Variants in NEK1 observed in about 807,000 individuals in gnomAD.
NEK1 encodes NIMA related kinase 1, also known as serine/threonine-protein kinase Nek1.
Under a neutral mutation model 182.1 loss-of-function variants are expected in NEK1, and 137 were observed. That is an observed-to-expected ratio of 0.75 (90% CI 0.65 to 0.87). The LOEUF (loss-of-function observed/expected upper bound fraction) is 0.87, where lower values mean the gene tolerates loss of function less well. Among genes scored for constraint, NEK1 ranks in the 40% least tolerant of loss-of-function variants. NEK1 has a pLI of 0.00. For missense variants in NEK1, 1,391 were observed against 1,494.4 expected, an observed-to-expected ratio of 0.93 and a Z score of 1.14; for synonymous variants, 513 against 492.2, an observed-to-expected ratio of 1.04 and a Z score of -0.56.
At chr4:169,571,323 C>T (rs1764817247) in intron 12 of NEK1, among the ~76,000 whole-genome samples, 1 of 152,082 alleles carries the variant, frequency 6.6e-6, no homozygotes, top group South Asian at 2.1e-4. Flanking sequence ...AACTATTTGC[C>T]AGGAACTAGT....
chr4:169,600,205 AT>A (rs141114486), intron 4 of NEK1, among the ~76,000 whole-genome samples: 7 of 149,766 alleles, frequency 4.7e-5, no homozygotes, highest in East Asian at 2.0e-4. Context: ...TTCCAGCAGT[AT>A]TTTTTTTTTC....
intron 16 of NEK1, among the ~76,000 whole-genome samples, chr4:169,557,860 G>A (rs140716088): frequency 5.6e-4 from 85 of 152,268 alleles, no homozygotes; most frequent in African/African-American, 2.0e-3. Flanking sequence ...GAACTCAGGA[G>A]GTCAAGGCTA....
intron 26 of NEK1, among the ~76,000 whole-genome samples, chr4:169,469,848 C>T (rs1231336042): frequency 6.6e-6 from 1 of 151,758 alleles, no homozygotes; most frequent in Non-Finnish European, 1.5e-5. Flanking sequence ...CTTCTCGTTG[C>T]ATTGATCCCT....
At chr4:169,454,129 A>G (rs1008896195) in intron 27 of NEK1, among the ~76,000 whole-genome samples, 1 of 152,260 alleles carries the variant, frequency 6.6e-6, no homozygotes, top group African/African-American at 2.4e-5. Flanking sequence ...CTAGCCATAT[A>G]TAGAAAGCTA....
At chr4:169,494,455 C>T (rs1409182446) in intron 23 of NEK1, among the ~76,000 whole-genome samples, 1 of 152,156 alleles carries the variant, frequency 6.6e-6, no homozygotes, top group African/African-American at 2.4e-5. Context: ...GCATAGTATT[C>T]CATGGTGTAT....
intron 27 of NEK1, among the ~76,000 whole-genome samples, chr4:169,438,704 T>TA (rs1738874891): frequency 1.3e-5 from 2 of 152,220 alleles, no homozygotes; most frequent in African/African-American, 4.8e-5. Context: ...TGCAGTTATT[T>TA]ACCACCTTCT....
At chr4:169,401,011 G>A (rs1015815191) in intron 33 of NEK1, among the ~76,000 whole-genome samples, 1 of 151,756 alleles carries the variant, frequency 6.6e-6, no homozygotes, top group Non-Finnish European at 1.5e-5. Context: ...TAATAAACAC[G>A]GGAAACACCA....
At chr4:169,447,547 C>T (rs1271753358) in intron 27 of NEK1, among the ~76,000 whole-genome samples, 1 of 152,170 alleles carries the variant, frequency 6.6e-6, no homozygotes, top group Non-Finnish European at 1.5e-5. Flanking sequence ...GTGTAAGCTA[C>T]TCATATCTTG....
intron 28 of NEK1, among the ~76,000 whole-genome samples, chr4:169,436,848 A>G (rs1275656820): frequency 6.6e-6 from 1 of 152,272 alleles, no homozygotes; most frequent in Non-Finnish European, 1.5e-5. Flanking sequence ...AGAACTCAAC[A>G]GCACTGTCTT....
chr4:169,548,673 G>A (rs1237358829), intron 18 of NEK1, among the ~76,000 whole-genome samples: 1 of 152,244 alleles, frequency 6.6e-6, no homozygotes, highest in Non-Finnish European at 1.5e-5. Flanking sequence ...GCCCAGAGGG[G>A]AGGGAATCTA....
chr4:169,538,036 G>A (rs990715068), intron 18 of NEK1, 125 bp from the exon 19 acceptor site: 4 of 599,276 alleles, frequency 6.7e-6, no homozygotes, highest in African/African-American at 5.6e-5. Context: ...CACTATCTCT[G>A]TAATGAAGAA....
chr4:169,612,493 C>G lies in NEK1; in HGVS notation c.-444G>C, dbSNP rs561892741. ...GTGCTCCTGCCTCGCAACAGCGGCT[C>G]TAGATTCCGAGTTATGGGGACAACT... On this transcript the variant is annotated 5_prime_UTR_variant, in exon 1 of 36. Coordinates refer to ENST00000507142, the MANE Select transcript of NEK1 (RefSeq NM_001199397.3). 1 of 152,300 alleles carries G rather than the reference C, an allele frequency of 6.6e-6. No individual in the cohort carries two copies. 9.4% of individuals were successfully genotyped at this position (152,300 alleles called of 1,614,324 possible).
chr4:169,495,148 G>C (rs1750938160), intron 23 of NEK1, among the ~76,000 whole-genome samples: 1 of 151,542 alleles, frequency 6.6e-6, no homozygotes, highest in South Asian at 2.1e-4. Flanking sequence ...TGGTGTTTTA[G>C]ACATGAAGTC....
At chr4:169,527,527 G>C (rs1757060752) in intron 19 of NEK1, among the ~76,000 whole-genome samples, 1 of 152,064 alleles carries the variant, frequency 6.6e-6, no homozygotes, top group South Asian at 2.1e-4. Context: ...AAAGGGGAGA[G>C]GGTAAAGCTA....
Position 169,525,600 on chromosome 4 carries a change from A to C in NEK1, c.1665+12209T>G, listed in dbSNP as rs550725314. On this transcript the variant is annotated intron_variant, in intron 19 of 35. Coordinates refer to ENST00000507142, the MANE Select transcript of NEK1 (RefSeq NM_001199397.3). The stretch of plus-strand genomic sequence containing the variant: ...AAATCTAGTCTGCTGTCTTATTTCC[A>C]AAATCAAGCTTTACTAGAGCATAGC... 1.0e-3 allele frequency among the ~76,000 whole-genome samples: 156 copies of C among 152,326 alleles called. 4 individuals are homozygous for C. The highest frequency in any genetic ancestry group is 0.01 in the Middle Eastern group (3 of 294).
At chr4:169,395,330 C>T (rs1399373548) in intron 35 of NEK1, among the ~76,000 whole-genome samples, 1 of 152,154 alleles carries the variant, frequency 6.6e-6, no homozygotes, top group African/African-American at 2.4e-5. Flanking sequence ...CATGATCTGG[C>T]CTTTTAAATA....
Position 169,400,628 on chromosome 4 carries a change from T to G in NEK1, c.3607A>C (p.Ser1203Arg), listed in dbSNP as rs763684777. The G allele has an allele frequency of 6.3e-7, 1 of 1,596,244 alleles. No individual in the cohort carries two copies. Among genetic ancestry groups the G allele is most frequent in the South Asian group, 1.1e-5 (1 of 87,766 alleles). ...AAGACACTATCGCATTCACATTCAC[T>G]AGCAATTTCACCATCACTGTTATCT... is the stretch of plus-strand genomic sequence containing the variant. ...HSDNSDGEIA[S>R]ECECDSVFNH... Residue 1203 changes from serine to arginine, a missense_variant, in exon 34 of 36, where the codon AGT becomes CGT. By Grantham distance (110) the Ser-to-Arg change is moderately radical. Around this residue, in one of 5 missense-constraint regions of NEK1, gnomAD observed 1,216 missense variants for 1,277.6 expected, o/e 0.95. Coordinates refer to ENST00000507142, the MANE Select transcript of NEK1 (RefSeq NM_001199397.3).
chr4:169,396,382 AAAAAAAAAAAAAAAG>A (rs1730711832), intron 35 of NEK1, among the ~76,000 whole-genome samples: 2 of 148,602 alleles, frequency 1.3e-5, no homozygotes, highest in African/African-American at 2.4e-5. Flanking sequence ...AAAAAAAAAA[AAAAAAAAAAAAAAAG>A]AAGAATCTAT....
At chr4:169,602,389 G>A (rs1423423396) in intron 3 of NEK1, 125 bp downstream of exon 3, 1 of 641,358 alleles carries the variant, frequency 1.6e-6, no homozygotes, top group Non-Finnish European at 2.7e-6. Context: ...GATATTAGCG[G>A]GAATAAAGGA....
Sources: allele counts gnomAD v4.1 joint callset (sites outside exome capture counted in the v4.1 genomes callset), GRCh38; gene constraint gnomAD v4.1.1; regional missense constraint gnomAD v4.1.1; transcripts MANE v1.5; gene names NCBI Gene and HGNC (gene_info 2026-07-23, HGNC 2026-07-21).